Variants in SORBS2 observed in about 807,000 individuals in gnomAD.
SORBS2 encodes sorbin and SH3 domain containing 2.
A neutral mutation model predicts 97.7 loss-of-function variants in SORBS2; 46 were observed. The ratio of observed to expected loss-of-function variants is 0.47; its 90% CI spans 0.37 to 0.60. The LOEUF (loss-of-function observed/expected upper bound fraction) is 0.60, where lower values mean the gene tolerates loss of function less well. SORBS2 is among the 20% of genes least tolerant of loss of function. SORBS2 has a pLI of 0.00. For synonymous variants in SORBS2, 476 were observed against 473.4 expected (o/e 1.01, Z -0.07); for missense variants, 1,316 against 1,282.3 (o/e 1.03, Z -0.40).
intron 1 of SORBS2, chr4:185,812,191 A>C (rs1432886732): frequency 6.6e-6 from 1 of 152,274 alleles, no homozygotes. Context: ...GCTCAGCAGA[A>C]TATGCCACAC....
intron 4 of SORBS2, among the ~76,000 whole-genome samples, chr4:185,671,185 C>A (rs1054815377): frequency 4.9e-4 from 75 of 152,246 alleles, no homozygotes; most frequent in Middle Eastern, 6.8e-3. Flanking sequence ...ACTCCCCACC[C>A]AAGAGCTGGG....
chr4:185,681,289 C>T (rs1045988868), intron 2 of SORBS2, among the ~76,000 whole-genome samples: 3 of 151,928 alleles, frequency 2.0e-5, no homozygotes, highest in Non-Finnish European at 4.4e-5. Flanking sequence ...TAGCATAGCC[C>T]TGCTTTTATT....
At chr4:185,597,675 T>C (rs940314451) in intron 12 of SORBS2, among the ~76,000 whole-genome samples, 1 of 152,180 alleles carries the variant, frequency 6.6e-6, no homozygotes, top group Non-Finnish European at 1.5e-5. Flanking sequence ...GTGATGTAAA[T>C]AGATTATCTG....
intron 1 of SORBS2, among the ~76,000 whole-genome samples, chr4:185,817,038 C>T (rs1354101353): frequency 2.0e-5 from 3 of 152,082 alleles, no homozygotes; most frequent in East Asian, 3.9e-4. Context: ...CTGGAGAGCC[C>T]GGTCTTTACT....
chr4:185,905,340 T>G (rs1369302088), intron 1 of SORBS2, among the ~76,000 whole-genome samples: 1 of 152,080 alleles, frequency 6.6e-6, no homozygotes, highest in Non-Finnish European at 1.5e-5. Context: ...CATTTAAGGG[T>G]GTATGGAAAA....
At chr4:185,826,449 TC>T (rs1257345205) in intron 1 of SORBS2, among the ~76,000 whole-genome samples, 2 of 152,190 alleles carry the variant, frequency 1.3e-5, no homozygotes, top group African/African-American at 4.8e-5. Flanking sequence ...ATAAATCTTT[TC>T]TTTTTTCTTT....
At chr4:185,854,301 C>A (rs2099219511) in intron 1 of SORBS2, among the ~76,000 whole-genome samples, 1 of 151,952 alleles carries the variant, frequency 6.6e-6, no homozygotes, top group African/African-American at 2.4e-5. Flanking sequence ...CCCATTTGAA[C>A]TAAAATCTAA....
intron 1 of SORBS2, among the ~76,000 whole-genome samples, chr4:185,924,413 G>A (rs1159373704): frequency 1.3e-5 from 2 of 152,076 alleles, no homozygotes; most frequent in South Asian, 2.1e-4. Context: ...CCAAGTTTTT[G>A]TTTCTTTTAA....
chr4:185,780,171 A>C (rs10866280), intron 1 of SORBS2, among the ~76,000 whole-genome samples: 2 of 151,648 alleles, frequency 1.3e-5, no homozygotes, highest in Non-Finnish European at 2.9e-5. Flanking sequence ...ATGCATCACC[A>C]CACCCGGTTA....
upstream of SORBS2, among the ~76,000 whole-genome samples, chr4:185,661,186 G>A (rs754791166): frequency 6.6e-6 from 1 of 151,342 alleles, no homozygotes; most frequent in Non-Finnish European, 1.5e-5. Context: ...TGAGGCAGGA[G>A]CATCACTGGA....
At chr4:185,843,074 G>T (rs550275076) in intron 1 of SORBS2, among the ~76,000 whole-genome samples, 1 of 152,294 alleles carries the variant, frequency 6.6e-6, no homozygotes, top group South Asian at 2.1e-4. Context: ...GGTACACCAT[G>T]AGTATATGCA....
intron 2 of SORBS2, chr4:185,690,598 AG>A (rs1338858534): frequency 1.3e-6 from 2 of 1,492,910 alleles, no homozygotes; most frequent in African/African-American, 2.8e-5. Context: ...TTGTTATTAA[AG>A]TCTTCAGTTT....
In SORBS2 at chr4:185,620,944, A is replaced by G. The variant is rs145248561; in HGVS notation, c.2216-793T>C. ...AAAGCATAAATAATCACATTACAAA[A>G]TTTTGATTGCATGTAGTTCTTAATA... On this transcript the variant is annotated intron_variant, in intron 7 of 14. Coordinates refer to ENST00000418609, the Ensembl canonical transcript of SORBS2. 3.0e-3 allele frequency among the ~76,000 whole-genome samples: 461 copies of G among 152,324 alleles called. 2 individuals are homozygous for G. Among genetic ancestry groups the G allele is most frequent in the African/African-American group, 9.7e-3 (402 of 41,576 alleles).
intron 1 of SORBS2, among the ~76,000 whole-genome samples, chr4:185,817,218 GA>G (rs35137737): frequency 0.043 from 6,236 of 146,572 alleles, 162 homozygotes; most frequent in South Asian, 0.081. Context: ...AATAACAAAA[GA>G]AAAAAAAAAC....
At chr4:185,935,009 C>G (rs1579569981) in intron 1 of SORBS2, among the ~76,000 whole-genome samples, 1 of 152,152 alleles carries the variant, frequency 6.6e-6, no homozygotes, top group Non-Finnish European at 1.5e-5. Context: ...ATAGTACCTT[C>G]TATGTATGAA....
intron 1 of SORBS2, among the ~76,000 whole-genome samples, chr4:185,895,523 G>C (rs945279534): frequency 2.5e-4 from 38 of 152,202 alleles, no homozygotes; most frequent in African/African-American, 8.7e-4. Flanking sequence ...ATGGCGCCCG[G>C]GCGACACCTG....
intron 4 of SORBS2, among the ~76,000 whole-genome samples, chr4:185,630,980 G>A (rs1198816323): frequency 1.3e-5 from 2 of 152,140 alleles, no homozygotes; most frequent in African/African-American, 4.8e-5. Flanking sequence ...GAAAGGAATG[G>A]TTTGATGTTT....
chr4:185,887,958 A>ATGTGTGTG (rs745472775), intron 1 of SORBS2, among the ~76,000 whole-genome samples: 135 of 149,148 alleles, frequency 9.1e-4, no homozygotes, highest in African/African-American at 3.2e-3. Context: ...TAGTATATAT[A>ATGTGTGTG]TATGTGTGTG....
At chr4:185,613,578 G>A (rs1180842597) in intron 11 of SORBS2, among the ~76,000 whole-genome samples, 1 of 147,038 alleles carries the variant, frequency 6.8e-6, no homozygotes, top group Non-Finnish European at 1.5e-5. Context: ...AACCTGGGAG[G>A]CAGAGGTTGC....
Sources: allele counts gnomAD v4.1 joint callset (sites outside exome capture counted in the v4.1 genomes callset), GRCh38; gene constraint gnomAD v4.1.1; transcripts MANE v1.5; gene names NCBI Gene and HGNC (gene_info 2026-07-23, HGNC 2026-07-21).